The following LRP1 variants were observed in gnomAD, a reference collection of about 807,000 sequenced individuals.
LRP1 encodes prolow-density lipoprotein receptor-related protein 1.
LRP1 carries 51 observed loss-of-function variants against 541.5 expected under a neutral mutation model. That is an observed-to-expected ratio of 0.09 (90% CI 0.08 to 0.12). The LOEUF is 0.12. LRP1 is among the 10% of genes least tolerant of loss of function. The pLI, the probability that LRP1 is intolerant of heterozygous loss-of-function variation, is 1.00. For synonymous variants in LRP1, 2,219 were observed against 2,470.8 expected, an observed-to-expected ratio of 0.90 and a Z score of 3.02; for missense variants, 3,878 against 6,376.2, an observed-to-expected ratio of 0.61 and a Z score of 13.34.
chr12:57,178,545 G>A lies in LRP1; in HGVS notation c.4548G>A (p.Gln1516=). ...CCGGCCACAATGTCACCGTGGTACA[G>A]AGGACCAACACCCAGCCCTTTGACC... is the stretch of plus-strand genomic sequence containing the variant. The part of the protein sequence containing the change: ...KWTGHNVTVV[Q]RTNTQPFDLQ... The change falls in exon 27 of 89, where the codon CAG becomes CAA. Residue 1516 remains glutamine, a synonymous_variant. Coordinates refer to ENST00000243077, the MANE Select transcript of LRP1 (RefSeq NM_002332.3). The surrounding 1 kb of genome is among the most constrained non-coding windows in gnomAD (Gnocchi z 5.8). The A allele has an allele frequency of 1.2e-6, 2 of 1,614,240 alleles. No homozygotes were observed. Among genetic ancestry groups the A allele is most frequent in the South Asian group, 1.1e-5 (1 of 91,090 alleles).
At chr12:57,169,051 G>A (rs2035893721) in intron 19 of LRP1, 89 bp from the exon 20 acceptor site, 2 of 1,229,038 alleles carry the variant, frequency 1.6e-6, no homozygotes, top group African/African-American at 3.0e-5. Context: ...CTGAGGGTGG[G>A]TTCTGGGCAG....
At position 57,154,785 on chromosome 12, in the gene LRP1, C is replaced by A; in HGVS notation, c.1227+84C>A. 1.6e-6 allele frequency: 2 copies of A among 1,274,182 alleles called. No individual in the cohort carries two copies. The highest frequency in any genetic ancestry group is 2.2e-6 in the Non-Finnish European group (2 of 899,502). 78.9% of individuals were successfully genotyped at this position (1,274,182 alleles called of 1,614,324 possible). A position where few individuals can be genotyped will look rare whatever the true frequency, so the allele number is the denominator to read the frequency against. On this transcript the variant is annotated intron_variant, in intron 8 of 88. Transcript: ENST00000243077. The surrounding 1 kb of genome is among the most constrained non-coding windows in gnomAD (Gnocchi z 4.6). ...AGGGGGGAAGCCTCTGTAGGGGAAC[C>A]GTTCTCTGAGTCTCCTGGTAAAGAG... is the stretch of plus-strand genomic sequence containing the variant.
At chr12:57,138,309 C>CT in intron 1 of LRP1, 150 bp from the exon 2 acceptor site, 1 of 941,512 alleles carries the variant, frequency 1.1e-6, no homozygotes, top group South Asian at 1.8e-5. Flanking sequence ...AAAGCCACCC[C>CT]CTGACACCCC....
chr12:57,174,406 G>T (rs2036004081), intron 22 of LRP1, among the ~76,000 whole-genome samples: 1 of 152,160 alleles, frequency 6.6e-6, no homozygotes, highest in African/African-American at 2.4e-5. Context: ...GACTGCTGAT[G>T]GTCAGGGCAG....
rs1259197622 is a variant in LRP1, at chr12:57,208,784, A to T, written c.12112A>T (p.Thr4038Ser). 2.5e-6 allele frequency: 4 copies of T among 1,613,892 alleles called. No individual in the cohort carries two copies. Among genetic ancestry groups the T allele is most frequent in the Admixed American group, 3.3e-5 (2 of 59,998 alleles). Reference sequence around the variant, plus strand: ...AGCGATGGATGGGACGCTTCGGGAGACACTGGTGCAGGACAACATTCAGTG... The same window carrying T: ...AGCGATGGATGGGACGCTTCGGGAGTCACTGGTGCAGGACAACATTCAGTG... Reference protein sequence around the residue: ...TAAMDGTLRETLVQDNIQWPT... With the variant: ...TAAMDGTLRESLVQDNIQWPT... The change falls in exon 78 of 89, where the codon ACA (threonine) becomes TCA (serine). Residue 4038 changes from threonine (T) to serine (S), a missense_variant. Transcript: ENST00000243077.
At chr12:57,149,802 C>T (rs1565719475) in intron 6 of LRP1, 2 of 701,522 alleles carry the variant, frequency 2.9e-6, no homozygotes, top group South Asian at 1.5e-5. Context: ...GAGGCCACAT[C>T]GTTTAGCAGA....
chr12:57,159,392 C>A (rs995751934), intron 11 of LRP1, among the ~76,000 whole-genome samples: 4 of 152,224 alleles, frequency 2.6e-5, no homozygotes, highest in Admixed American at 6.5e-5. Context: ...ATTTAAAGGA[C>A]ACTTGGAGTG....
At chr12:57,164,120 G>A (rs939255872) in intron 15 of LRP1, among the ~76,000 whole-genome samples, 4 of 152,178 alleles carry the variant, frequency 2.6e-5, no homozygotes, top group South Asian at 2.1e-4. Context: ...GCAGTGAGCC[G>A]AGATTGTGCC....
Position 57,185,104 on chromosome 12 carries a change from A to T in LRP1, c.6362A>T (p.Lys2121Met). The change falls in exon 40 of 89, where the codon AAG becomes ATG. Residue 2121 changes from lysine to methionine, a missense_variant. Around this residue, in one of 13 missense-constraint regions of LRP1, gnomAD observed 1,100 missense variants for 1,827.4 expected, o/e 0.60. Transcript: ENST00000243077. This position sits in a 1 kb window ranked among gnomAD's most constrained non-coding sequence, Gnocchi z 4.9. ...AGGACTCATGCCAACGGCTCTATCA[A>T]GCGCGGGAGCAAAGACAATGCCACA... ...SDRTHANGSI[K>M]RGSKDNATDS... is the part of the protein sequence containing the mutation. The T allele has an allele frequency of 6.2e-7, 1 of 1,614,068 alleles. No individual in the cohort carries two copies. Among genetic ancestry groups the T allele is most frequent in the Non-Finnish European group, 8.5e-7 (1 of 1,180,012 alleles).
At chr12:57,208,540 C>T in intron 77 of LRP1, 171 bp from the exon 78 acceptor site, 1 of 594,170 alleles carries the variant, frequency 1.7e-6, no homozygotes, top group Admixed American at 3.0e-5. Flanking sequence ...GAGGAAAAGC[C>T]CCTCAACCTG....
Position 57,197,461 on chromosome 12 carries a change from AG to A in LRP1, c.9162+79del. On this transcript the variant is annotated intron_variant, in intron 57 of 88. Transcript: ENST00000243077. The surrounding 1 kb of genome is among the most constrained non-coding windows in gnomAD (Gnocchi z 4.5). ...GCCTCCCTTGCAAGTCTCCCCGCTT[AG>A]GTCCAACCATCCCTCCCCCAGATGC... 6.2e-7 allele frequency: 1 copy of A among 1,611,460 alleles called. No individual in the cohort carries two copies.
Position 57,211,109 on chromosome 12 carries a change from T to C in LRP1, c.12917-67T>C. On this transcript the variant is annotated intron_variant, in intron 83 of 88. Coordinates refer to ENST00000243077, the MANE Select transcript of LRP1 (RefSeq NM_002332.3). This position sits in a 1 kb window ranked among gnomAD's most constrained non-coding sequence, Gnocchi z 4.3. ...CAAGATTATGCAAACAGAAAAGCTCTGTTCAACCTATGGAGAGCCCTCATG... is the reference window on the plus strand; with the variant it reads ...CAAGATTATGCAAACAGAAAAGCTCCGTTCAACCTATGGAGAGCCCTCATG... 6.5e-7 allele frequency: 1 copy of C among 1,548,796 alleles called. No individual in the cohort carries two copies. Among genetic ancestry groups the C allele is most frequent in the Non-Finnish European group, 8.8e-7 (1 of 1,130,930 alleles).
rs1009711143 is a variant in LRP1, at chr12:57,128,735, G to A, written c.-230G>A. 38 of 440,420 alleles carry A rather than the reference G, an allele frequency of 8.6e-5. No individual in the cohort carries two copies. The highest frequency in any genetic ancestry group is 1.5e-4 in the Non-Finnish European group (37 of 245,674). 27.3% of individuals were successfully genotyped at this position (440,420 alleles called of 1,614,324 possible). A position where few individuals can be genotyped will look rare whatever the true frequency, so the allele number is the denominator to read the frequency against. On this transcript the variant is annotated 5_prime_UTR_variant, in exon 1 of 89. Coordinates refer to ENST00000243077, the MANE Select transcript of LRP1 (RefSeq NM_002332.3). ...AGTGAAGCGGGGGGGTGGGGTGAAG[G>A]GTTTGGATTTCGGGGCAGGGGGCGC...
Position 57,209,742 on chromosome 12 carries a change from G to A in LRP1, c.12313G>A (p.Val4105Ile), listed in dbSNP as rs2036865969. Residue 4105 changes from valine to isoleucine, a missense_variant, in exon 80 of 89, where the codon GTC (valine) becomes ATC (isoleucine). Transcript: ENST00000243077. Reference sequence around the variant, plus strand: ...CGTCTTTGAGGATTACATCTATGGTGTCACCTACATCAATAATCGTGTCTT... The same window carrying A: ...CGTCTTTGAGGATTACATCTATGGTATCACCTACATCAATAATCGTGTCTT... ...IDVFEDYIYGVTYINNRVFKI... is the reference protein window; with the variant it reads ...IDVFEDYIYGITYINNRVFKI... 2.5e-6 allele frequency: 4 copies of A among 1,614,098 alleles called. No individual in the cohort carries two copies. The highest frequency in any genetic ancestry group is 3.4e-6 in the Non-Finnish European group (4 of 1,180,040).
In LRP1 at chr12:57,144,966, C is replaced by G; in HGVS notation, c.449-6C>G. On this transcript the variant is annotated splice_polypyrimidine_tract_variant and splice_region_variant and intron_variant, in intron 4 of 88. Coordinates refer to ENST00000243077, the MANE Select transcript of LRP1 (RefSeq NM_002332.3). ...AATGACCACATTCTTGCCCTTTCCT[C>G]GGCAGATTTTGATGAGTGCTCAGTG... is the stretch of plus-strand genomic sequence containing the variant. 3.7e-6 allele frequency: 6 copies of G among 1,613,306 alleles called. No individual in the cohort carries two copies. The highest frequency in any genetic ancestry group is 3.3e-5 in the South Asian group (3 of 91,066).
chr12:57,186,558 G>A (rs2036274207), intron 41 of LRP1, among the ~76,000 whole-genome samples: 1 of 152,210 alleles, frequency 6.6e-6, no homozygotes, highest in Admixed American at 6.5e-5. Flanking sequence ...ATACAGACCT[G>A]TCCTTTCAGC....
In LRP1 at chr12:57,211,491, A is replaced by G. The variant is rs1233315958; in HGVS notation, c.13096A>G (p.Thr4366Ala). The G allele has an allele frequency of 1.2e-6, 2 of 1,613,694 alleles. No individual in the cohort carries two copies. The highest frequency in any genetic ancestry group is 1.3e-5 in the African/African-American group (1 of 74,998). Residue 4366 changes from threonine to alanine, a missense_variant, in exon 85 of 89, where the codon ACG (threonine) becomes GCG (alanine). Transcript: ENST00000243077. This position sits in a 1 kb window ranked among gnomAD's most constrained non-coding sequence, Gnocchi z 4.3. ...KQSGDVTCNC[T>A]DGRVAPSCLT... ...GCCTCTGATTCCTTCCTGCAGCTGC[A>G]CGGATGGCCGGGTGGCCCCCAGCTG...
intron 1 of LRP1, among the ~76,000 whole-genome samples, chr12:57,129,745 GA>G (rs1286525987): frequency 6.6e-6 from 1 of 152,116 alleles, no homozygotes; most frequent in African/African-American, 2.4e-5. Context: ...GCTTTGAGAT[GA>G]AAAAACGTCA....
chr12:57,134,936 A>G (rs753116545), intron 1 of LRP1, among the ~76,000 whole-genome samples: 1 of 152,122 alleles, frequency 6.6e-6, no homozygotes, highest in Non-Finnish European at 1.5e-5. Flanking sequence ...CGATCTCCTG[A>G]CATCATGATC....
Sources: allele counts gnomAD v4.1 joint callset (sites outside exome capture counted in the v4.1 genomes callset), GRCh38; gene constraint gnomAD v4.1.1; regional missense constraint gnomAD v4.1.1; non-coding constraint Gnocchi (gnomAD v3.1); transcripts MANE v1.5; gene names NCBI Gene and HGNC (gene_info 2026-07-23, HGNC 2026-07-21).